Variants in SMARCD3 observed in about 807,000 individuals in gnomAD.
SMARCD3 encodes SWI/SNF related BAF chromatin remodeling complex subunit D3.
In SMARCD3, 14 loss-of-function variants were observed where a neutral mutation model predicts 58.0. The observed-to-expected ratio is 0.24, with a 90% CI of 0.16 to 0.38. SMARCD3 has a LOEUF of 0.38. Ranked by LOEUF, SMARCD3 falls within the 10% of genes least tolerant of loss-of-function variation. SMARCD3 has a pLI of 1.00. For missense variants in SMARCD3, 408 were observed against 636.9 expected (o/e 0.64, Z 3.87); for synonymous variants, 253 against 253.8 (o/e 1.00, Z 0.03).
intron 2 of SMARCD3, among the ~76,000 whole-genome samples, chr7:151,273,922 G>A (rs1411616547): frequency 2.0e-5 from 3 of 152,222 alleles, no homozygotes; most frequent in Non-Finnish European, 2.9e-5. Context: ...GGCTGTCCCT[G>A]GCCTTCAGAG....
chr7:151,257,775 G>T lies in SMARCD3; in HGVS notation c.40-12104C>A, dbSNP rs917587473. On this transcript the variant is annotated intron_variant, in intron 2 of 13. Coordinates refer to the SMARCD3 transcript ENST00000356800. The stretch of plus-strand genomic sequence containing the variant: ...TTCCCTCTCCATGCAGGAGCGCCAG[G>T]ACTCAGGCCTGGGTCCTCCTCACCT... Among the ~76,000 whole-genome samples the T allele has an allele frequency of 5.7e-4, 87 of 152,074 alleles. 1 individual carries two copies. The highest frequency in any genetic ancestry group is 2.1e-3 in the African/African-American group (86 of 41,388).
At chr7:151,255,417 G>C (rs1393760404) in intron 2 of SMARCD3, among the ~76,000 whole-genome samples, 1 of 152,058 alleles carries the variant, frequency 6.6e-6, no homozygotes, top group Non-Finnish European at 1.5e-5. Context: ...TGTTTCCAGA[G>C]CCCTGGCTCT....
rs1803280218 is a variant in SMARCD3 at position 151,246,636 on chromosome 7, G to A, written c.79-965C>T. ...CCCACCCCAGTGAGGTCAGCAGTCA[G>A]GGTTCATGGGGGCTGTGGAGACTGA... On this transcript the variant is annotated intron_variant, in intron 1 of 12. Coordinates refer to ENST00000262188, the MANE Select transcript of SMARCD3 (RefSeq NM_001003801.2). This position sits in a 1 kb window ranked among gnomAD's most constrained non-coding sequence, Gnocchi z 4.4. 1.3e-5 allele frequency among the ~76,000 whole-genome samples: 2 copies of A among 152,164 alleles called. No homozygotes were observed. Among genetic ancestry groups the A allele is most frequent in the African/African-American group, 4.8e-5 (2 of 41,452 alleles).
chr7:151,252,454 A>AGC (rs1554489081), upstream of SMARCD3, among the ~76,000 whole-genome samples: 5 of 150,672 alleles, frequency 3.3e-5, no homozygotes, highest in African/African-American at 4.9e-5. Context: ...AGAGAGAGAG[A>AGC]GCGAGAGAAC....
At chr7:151,249,398 C>T (rs1373959904), upstream of SMARCD3, 1 of 152,210 alleles carries the variant, frequency 6.6e-6, no homozygotes, top group Admixed American at 6.5e-5. The surrounding 1 kb of genome is among the most constrained non-coding windows in gnomAD (Gnocchi z 4.8). Context: ...CCTCCGTGCG[C>T]GCGCGCCTGC....
intron 2 of SMARCD3, chr7:151,254,346 A>G (rs949065189): frequency 6.6e-6 from 1 of 152,330 alleles, no homozygotes; most frequent in Admixed American, 6.5e-5. Flanking sequence ...GCTGCCAGGG[A>G]TCTGGGGGGC....
chr7:151,275,983 G>T (rs1795327620), intron 1 of SMARCD3, among the ~76,000 whole-genome samples: 1 of 152,066 alleles, frequency 6.6e-6, no homozygotes, highest in Admixed American at 6.5e-5. Context: ...GCTGCCCATG[G>T]ATCAATCCTG....
chr7:151,265,691 T>G (rs2150612976), intron 2 of SMARCD3, among the ~76,000 whole-genome samples: 1 of 152,374 alleles, frequency 6.6e-6, no homozygotes, highest in South Asian at 2.1e-4. Context: ...TTTGAGCCTT[T>G]ATTCCATCAT....
Position 151,241,552 on chromosome 7 carries a change from G to A in SMARCD3, c.879C>T (p.Thr293=), listed in dbSNP as rs553960993. ...TGTCATGGGAGTCCTGCAGCCTGTTGGTCTTCACATACTGCCACAGGGCCT... is the reference window on the plus strand; with the variant it reads ...TGTCATGGGAGTCCTGCAGCCTGTTAGTCTTCACATACTGCCACAGGGCCT... ...IVQALWQYVK[T]NRLQDSHDKE... is the part of the protein sequence containing the mutation. The change falls in exon 8 of 13, where the codon ACC becomes ACT. Residue 293 remains threonine, a synonymous_variant. Transcript: ENST00000262188. The surrounding 1 kb of genome is among the most constrained non-coding windows in gnomAD (Gnocchi z 5.3). The A allele has an allele frequency of 6.8e-6, 11 of 1,611,792 alleles. No homozygotes were observed. The South Asian group carries it at 1.1e-4, about 16-fold the overall frequency.
intron 2 of SMARCD3, among the ~76,000 whole-genome samples, chr7:151,267,285 A>G (rs1795021776): frequency 6.6e-6 from 1 of 152,234 alleles, no homozygotes; most frequent in Admixed American, 6.5e-5. Flanking sequence ...AGGGATGACT[A>G]TTACTGTATC....
At chr7:151,252,815 G>A (rs1181008138), upstream of SMARCD3, among the ~76,000 whole-genome samples, 1 of 152,152 alleles carries the variant, frequency 6.6e-6, no homozygotes, top group Non-Finnish European at 1.5e-5. Context: ...GCAGCTGTGC[G>A]CTTCCCTGTT....
chr7:151,264,579 T>A (rs534787797), intron 2 of SMARCD3, among the ~76,000 whole-genome samples: 187 of 152,230 alleles, frequency 1.2e-3, no homozygotes, highest in African/African-American at 4.1e-3. Flanking sequence ...TGGGAGTTCC[T>A]CTGGAGGACG....
intron 2 of SMARCD3, among the ~76,000 whole-genome samples, chr7:151,261,452 T>A (rs1257304481): frequency 6.6e-6 from 1 of 152,194 alleles, no homozygotes; most frequent in African/African-American, 2.4e-5. Flanking sequence ...ACCCTGATCA[T>A]GTTACCTGAC....
At chr7:151,267,126 C>A (rs1272555560) in intron 2 of SMARCD3, among the ~76,000 whole-genome samples, 2 of 152,158 alleles carry the variant, frequency 1.3e-5, no homozygotes, top group African/African-American at 2.4e-5. Context: ...CTGCATCCAG[C>A]CCACGTTTAT....
chr7:151,271,506 T>A (rs1468158199), intron 2 of SMARCD3, among the ~76,000 whole-genome samples: 1 of 152,008 alleles, frequency 6.6e-6, no homozygotes, highest in Non-Finnish European at 1.5e-5. Flanking sequence ...ATACCCAAAC[T>A]CACCTGTGGG....
At chr7:151,277,105 G>A (rs1033236430), upstream of SMARCD3, 1 of 150,186 alleles carries the variant, frequency 6.7e-6, no homozygotes, top group Admixed American at 6.6e-5. Flanking sequence ...GGCCCGGAGC[G>A]CGGCCGCCCG....
rs1224030471 is a variant in SMARCD3, at chr7:151,238,807, C to G, written c.*296G>C. ...TTTTAAATATGAAAATGTTATTAAACATGTCTTCTGCCAAACTGTTTTTAG... is the reference window on the plus strand; with the variant it reads ...TTTTAAATATGAAAATGTTATTAAAGATGTCTTCTGCCAAACTGTTTTTAG... On this transcript the variant is annotated 3_prime_UTR_variant, in exon 13 of 13. Transcript: ENST00000262188. 58 of 1,539,864 alleles carry G rather than the reference C, an allele frequency of 3.8e-5. No individual in the cohort carries two copies. Among genetic ancestry groups the G allele is most frequent in the Non-Finnish European group, 5.0e-5 (57 of 1,146,762 alleles).
intron 2 of SMARCD3, among the ~76,000 whole-genome samples, chr7:151,253,867 G>C (rs1803610661): frequency 6.8e-6 from 1 of 147,866 alleles, no homozygotes; most frequent in Admixed American, 6.8e-5. Context: ...CAGGGACCCT[G>C]AATTGGGCAG....
rs112915285 is a variant in SMARCD3 at position 151,238,832 on chromosome 7, G to C, written c.*271C>G. On this transcript the variant is annotated 3_prime_UTR_variant, in exon 13 of 13. Coordinates refer to ENST00000262188, the MANE Select transcript of SMARCD3 (RefSeq NM_001003801.2). ...CATGTCTTCTGCCAAACTGTTTTTA[G>C]GTCTAGGGAAAATTGAGTAAGGAGA... The C allele has an allele frequency of 3.3e-6, 5 of 1,517,536 alleles. No individual in the cohort carries two copies. In the African/African-American group the frequency reaches 4.1e-5, roughly 13 times the overall value. 94.0% of individuals were successfully genotyped at this position (1,517,536 alleles called of 1,614,324 possible).
Sources: allele counts gnomAD v4.1 joint callset (sites outside exome capture counted in the v4.1 genomes callset), GRCh38; gene constraint gnomAD v4.1.1; non-coding constraint Gnocchi (gnomAD v3.1); transcripts MANE v1.5; gene names NCBI Gene and HGNC (gene_info 2026-07-23, HGNC 2026-07-21).